Variants in DDX10 observed in about 807,000 individuals in gnomAD.
DDX10 encodes the protein probable ATP-dependent RNA helicase DDX10.
In DDX10, 74 loss-of-function variants were observed where a neutral mutation model predicts 104.3. The ratio of observed to expected loss-of-function variants is 0.71; its 90% CI spans 0.59 to 0.86. The LOEUF is 0.86. DDX10 is among the 40% of genes least tolerant of loss of function. The probability of loss-of-function intolerance (pLI) is 0.00; values close to 1 mark genes in which losing one functional copy is unlikely to be tolerated. For synonymous variants in DDX10, 351 were observed against 353.4 expected, an observed-to-expected ratio of 0.99 and a Z score of 0.08; for missense variants, 952 against 1,040.0, an observed-to-expected ratio of 0.92 and a Z score of 1.16.
At chr11:108,766,893 G>A (rs554283488) in intron 13 of DDX10, among the ~76,000 whole-genome samples, 4 of 152,104 alleles carry the variant, frequency 2.6e-5, no homozygotes, top group African/African-American at 4.8e-5. Context: ...AGGACTTTAG[G>A]TGCCTTGTTG....
intron 13 of DDX10, among the ~76,000 whole-genome samples, chr11:108,730,860 T>A (rs994546178): frequency 4.6e-5 from 7 of 151,870 alleles, no homozygotes; most frequent in African/African-American, 1.2e-4. Context: ...TTTTTTTTTT[T>A]TTACTGTAAT....
chr11:108,723,198 A>G lies in DDX10; in HGVS notation c.1701A>G (p.Glu567=), dbSNP rs571573510. The part of the protein sequence containing the change: ...SILQKGGKRL[E]GTEHRQDNDT... ...TTCAAAAAGGTGGAAAAAGACTCGA[A>G]GGGACAGAGCACAGACAGGATAATG... Residue 567 remains glutamate, a synonymous_variant, in exon 13 of 18, where the codon GAA becomes GAG. Transcript: ENST00000322536. 1.2e-6 allele frequency: 2 copies of G among 1,613,844 alleles called. No individual in the cohort carries two copies. The highest frequency in any genetic ancestry group is 2.7e-5 in the African/African-American group (2 of 75,050).
intron 15 of DDX10, among the ~76,000 whole-genome samples, chr11:108,849,327 T>G (rs1862761654): frequency 6.6e-6 from 1 of 152,144 alleles, no homozygotes; most frequent in Non-Finnish European, 1.5e-5. Context: ...CTTACCAAAC[T>G]GACACAGTTG....
intron 13 of DDX10, among the ~76,000 whole-genome samples, chr11:108,823,768 C>T (rs184846180): frequency 1.3e-4 from 20 of 152,324 alleles, no homozygotes; most frequent in Admixed American, 5.2e-4. Context: ...CTTTAAGCCG[C>T]ACTAACCAGG....
chr11:108,724,391 A>C (rs1350324122), intron 13 of DDX10, among the ~76,000 whole-genome samples: 2 of 152,076 alleles, frequency 1.3e-5, no homozygotes, highest in Non-Finnish European at 2.9e-5. Context: ...GGTCGTTACT[A>C]CTATCTCATT....
chr11:108,729,845 G>T (rs1397922212), intron 13 of DDX10: 3 of 152,120 alleles, frequency 2.0e-5, no homozygotes, highest in Non-Finnish European at 4.4e-5. Context: ...AGGAGATTTG[G>T]TCTGCAAATT....
intron 1 of DDX10, among the ~76,000 whole-genome samples, chr11:108,665,629 GTAA>G (rs2094209167): frequency 6.6e-6 from 1 of 152,094 alleles, no homozygotes; most frequent in African/African-American, 2.4e-5. Flanking sequence ...GACAATAGTG[GTAA>G]TAATGACACC....
At chr11:108,874,328 A>G (rs1863122080) in intron 16 of DDX10, among the ~76,000 whole-genome samples, 1 of 152,208 alleles carries the variant, frequency 6.6e-6, no homozygotes. Context: ...CACTCTCTCT[A>G]CTTTAGATGC....
At chr11:108,697,785 A>T (rs1443137677) in intron 9 of DDX10, among the ~76,000 whole-genome samples, 1 of 152,204 alleles carries the variant, frequency 6.6e-6, no homozygotes, top group Non-Finnish European at 1.5e-5. Flanking sequence ...AAGCTCTTCC[A>T]GTTTTTATAA....
At chr11:108,893,431 G>T (rs566413334) in intron 16 of DDX10, among the ~76,000 whole-genome samples, 16 of 152,074 alleles carry the variant, frequency 1.1e-4, no homozygotes, top group Middle Eastern at 3.4e-3. Context: ...AATTCTAACA[G>T]ATTTTCATTC....
intron 10 of DDX10, among the ~76,000 whole-genome samples, chr11:108,714,195 A>C (rs1048426985): frequency 6.6e-6 from 1 of 152,130 alleles, no homozygotes; most frequent in African/African-American, 2.4e-5. Context: ...CTGCCTTATG[A>C]ATGGGTCCTC....
At chr11:108,748,076 A>G (rs1306504698) in intron 13 of DDX10, among the ~76,000 whole-genome samples, 1 of 152,162 alleles carries the variant, frequency 6.6e-6, no homozygotes, top group East Asian at 1.9e-4. Context: ...AGTGTGAGCA[A>G]AACTAAGCAG....
At chr11:108,876,872 T>C (rs1863159963) in intron 16 of DDX10, among the ~76,000 whole-genome samples, 1 of 152,198 alleles carries the variant, frequency 6.6e-6, no homozygotes, top group Admixed American at 6.5e-5. Context: ...TTGAAGTTTT[T>C]AGAGAGATTT....
At chr11:108,746,334 G>GTT (rs551574337) in intron 13 of DDX10, among the ~76,000 whole-genome samples, 1 of 144,428 alleles carries the variant, frequency 6.9e-6, no homozygotes. Flanking sequence ...CACTTAGTAT[G>GTT]TTTTTTTTTT....
At chr11:108,707,156 T>TG (rs2094277271) in intron 10 of DDX10, among the ~76,000 whole-genome samples, 3 of 152,194 alleles carry the variant, frequency 2.0e-5, no homozygotes, top group African/African-American at 7.2e-5. Context: ...GGTTCATTCT[T>TG]GGTGGTGTCC....
chr11:108,790,101 G>A (rs1861850260), intron 13 of DDX10, among the ~76,000 whole-genome samples: 2 of 152,272 alleles, frequency 1.3e-5, no homozygotes, highest in South Asian at 4.1e-4. Context: ...AAAGCACATG[G>A]TCATTTGGTA....
intron 13 of DDX10, among the ~76,000 whole-genome samples, chr11:108,788,138 A>G (rs1280535960): frequency 6.6e-6 from 1 of 152,168 alleles, no homozygotes; most frequent in African/African-American, 2.4e-5. Context: ...GTCATTTCAT[A>G]CATCTAAATC....
At chr11:108,801,830 T>C (rs954920541) in intron 13 of DDX10, among the ~76,000 whole-genome samples, 5 of 152,190 alleles carry the variant, frequency 3.3e-5, no homozygotes. Context: ...GGTAGAATGA[T>C]TATCTTGAGT....
chr11:108,765,702 A>G (rs2094355638), intron 13 of DDX10, among the ~76,000 whole-genome samples: 1 of 152,228 alleles, frequency 6.6e-6, no homozygotes, highest in Admixed American at 6.5e-5. Context: ...TTATCACAGG[A>G]GCATCACAAA....
Sources: allele counts gnomAD v4.1 joint callset (sites outside exome capture counted in the v4.1 genomes callset), GRCh38; gene constraint gnomAD v4.1.1; transcripts MANE v1.5; gene names NCBI Gene and HGNC (gene_info 2026-07-23, HGNC 2026-07-21).